The following MTHFD2L variants were observed in gnomAD, a reference collection of about 807,000 sequenced individuals.
MTHFD2L encodes methylenetetrahydrofolate dehydrogenase (NADP+ dependent) 2 like, also known as bifunctional methylenetetrahydrofolate dehydrogenase/cyclohydrolase 2, mitochondrial.
Under a neutral mutation model 34.9 loss-of-function variants are expected in MTHFD2L, and 29 were observed. That is an observed-to-expected ratio of 0.83 (90% CI 0.62 to 1.13). MTHFD2L has a LOEUF of 1.13. Among genes scored for constraint, MTHFD2L ranks in the 50% most tolerant of loss-of-function variants. MTHFD2L has a pLI of 0.00. For synonymous variants in MTHFD2L, 167 were observed against 155.7 expected (o/e 1.07, Z -0.54); for missense variants, 481 against 446.5 (o/e 1.08, Z -0.70).
intron 7 of MTHFD2L, chr4:74,293,585 C>T (rs560435520): frequency 1.1e-6 from 1 of 923,442 alleles, no homozygotes; most frequent in East Asian, 1.2e-4. Flanking sequence ...ATAGTAAATT[C>T]CCTCCGGAGC....
chr4:74,238,924 T>A (rs1241061624), intron 6 of MTHFD2L, among the ~76,000 whole-genome samples: 1 of 152,230 alleles, frequency 6.6e-6, no homozygotes, highest in Non-Finnish European at 1.5e-5. Flanking sequence ...GAAGACAGTA[T>A]GGTGGTTCCT....
chr4:74,197,783 AG>A (rs749964010), intron 3 of MTHFD2L, among the ~76,000 whole-genome samples: 50 of 152,152 alleles, frequency 3.3e-4, no homozygotes, highest in Admixed American at 1.5e-3. Flanking sequence ...ATTGATGTAA[AG>A]GTAATATAAT....
chr4:74,251,822 G>A (rs1743348994), intron 6 of MTHFD2L, among the ~76,000 whole-genome samples: 1 of 152,122 alleles, frequency 6.6e-6, no homozygotes, highest in Non-Finnish European at 1.5e-5. Flanking sequence ...TGAATTTCCA[G>A]TAGCAAACAA....
rs575222744 is a variant in MTHFD2L at position 74,188,181 on chromosome 4, C to T, written c.452-11613C>T. Among the ~76,000 whole-genome samples, 104 of 152,148 alleles carry T rather than the reference C, an allele frequency of 6.8e-4. 1 individual carries two copies. The highest frequency in any genetic ancestry group is 1.4e-3 in the Non-Finnish European group (92 of 68,002). On this transcript the variant is annotated intron_variant, in intron 3 of 7. Transcript: ENST00000325278. ...AAAACTAATGAATTGACAGCATATCCGTGGTGTATTAGTCTGCTTCATCTA... is the reference window on the plus strand; with the variant it reads ...AAAACTAATGAATTGACAGCATATCTGTGGTGTATTAGTCTGCTTCATCTA...
intron 6 of MTHFD2L, among the ~76,000 whole-genome samples, chr4:74,278,136 C>T (rs931517476): frequency 1.3e-5 from 2 of 152,062 alleles, no homozygotes; most frequent in African/African-American, 4.8e-5. Context: ...AGGAATTGAA[C>T]CAGCTAGTTT....
intron 5 of MTHFD2L, among the ~76,000 whole-genome samples, chr4:74,202,373 G>T (rs1734590143): frequency 6.6e-6 from 1 of 152,206 alleles, no homozygotes; most frequent in Non-Finnish European, 1.5e-5. Flanking sequence ...GGACTAGGCT[G>T]CCTTCAGACT....
intron 6 of MTHFD2L, among the ~76,000 whole-genome samples, chr4:74,237,263 T>G (rs1012970311): frequency 2.6e-5 from 4 of 152,154 alleles, no homozygotes; most frequent in African/African-American, 9.7e-5. Context: ...CATGTCTTAT[T>G]TATATTTGTG....
chr4:74,182,135 T>G (rs1431114803), intron 3 of MTHFD2L, among the ~76,000 whole-genome samples: 1 of 152,190 alleles, frequency 6.6e-6, no homozygotes, highest in African/African-American at 2.4e-5. Context: ...TTCCTTTCTC[T>G]ATGGGAGAAA....
chr4:74,140,836 A>G (rs1211460255), intron 1 of MTHFD2L, among the ~76,000 whole-genome samples: 1 of 152,166 alleles, frequency 6.6e-6, no homozygotes, highest in Non-Finnish European at 1.5e-5. Context: ...ACTCACTATC[A>G]TGAGAACAGG....
chr4:74,158,656 G>A (rs937791348), intron 1 of MTHFD2L, among the ~76,000 whole-genome samples: 6 of 152,306 alleles, frequency 3.9e-5, no homozygotes, highest in African/African-American at 1.4e-4. Context: ...AGGAGTAGGC[G>A]TTGTGCAGAT....
At chr4:74,281,221 T>C (rs1169692631) in intron 6 of MTHFD2L, among the ~76,000 whole-genome samples, 1 of 152,156 alleles carries the variant, frequency 6.6e-6, no homozygotes, top group African/African-American at 2.4e-5. Flanking sequence ...CTGCAGGATT[T>C]CATCCTCAGA....
chr4:74,133,869 T>C (rs1722722786), intron 1 of MTHFD2L, among the ~76,000 whole-genome samples: 1 of 151,908 alleles, frequency 6.6e-6, no homozygotes, highest in Non-Finnish European at 1.5e-5. Flanking sequence ...CAAAAAGAAA[T>C]ACACAGCAGC....
At chr4:74,225,252 A>C (rs1169816108) in intron 5 of MTHFD2L, 50 bp from the exon 6 acceptor site, 1 of 1,408,426 alleles carries the variant, frequency 7.1e-7, no homozygotes, top group South Asian at 1.2e-5. Context: ...AGCATTTATA[A>C]AATTTTTAAA....
chr4:74,169,543 T>G (rs1578325897), intron 1 of MTHFD2L, among the ~76,000 whole-genome samples: 1 of 152,254 alleles, frequency 6.6e-6, no homozygotes, highest in African/African-American at 2.4e-5. Flanking sequence ...TATTCCTTAC[T>G]GTGTTAGGTG....
upstream of MTHFD2L, among the ~76,000 whole-genome samples, chr4:74,118,934 C>T (rs572223187): frequency 5.6e-4 from 85 of 152,280 alleles, no homozygotes; most frequent in African/African-American, 2.0e-3. Context: ...CTTATAAAGT[C>T]TAATGCCTGA....
intron 3 of MTHFD2L, among the ~76,000 whole-genome samples, chr4:74,178,452 G>A (rs1191353267): frequency 6.6e-6 from 1 of 151,910 alleles, no homozygotes; most frequent in African/African-American, 2.4e-5. Context: ...CCCCTTTTGA[G>A]CAACATTCCT....
Position 74,115,571 on chromosome 4 carries a change from G to A in MTHFD2L, c.-144+914G>A, listed in dbSNP as rs115885207. On this transcript the variant is annotated intron_variant and NMD_transcript_variant, in intron 2 of 9. Transcript: ENST00000429519. The stretch of plus-strand genomic sequence containing the variant: ...TTCCCCTTGAGGGGGTGCTCTGTCA[G>A]TATGAACATGCCTTCATGGGCAGAA... Among the ~76,000 whole-genome samples the A allele has an allele frequency of 3.8e-3, 586 of 152,368 alleles. 4 individuals carry two copies. The highest frequency in any genetic ancestry group is 0.014 in the African/African-American group (564 of 41,588).
At chr4:74,199,214 A>G (rs1233535753) in intron 3 of MTHFD2L, among the ~76,000 whole-genome samples, 3 of 152,150 alleles carry the variant, frequency 2.0e-5, no homozygotes, top group South Asian at 4.2e-4. Flanking sequence ...TTTCTTCCAT[A>G]TAGCAAATCA....
chr4:74,265,715 T>C (rs568285503), intron 6 of MTHFD2L, among the ~76,000 whole-genome samples: 57 of 152,316 alleles, frequency 3.7e-4, no homozygotes, highest in African/African-American at 1.3e-3. Flanking sequence ...ATGGCTAGTA[T>C]TTTTGTCATG....
Sources: gnomAD v4.1 joint callset for allele counts (sites outside exome capture counted in the v4.1 genomes callset) on GRCh38, gnomAD v4.1.1 for gene constraint, MANE v1.5 for transcripts, NCBI Gene and HGNC (gene_info 2026-07-23, HGNC 2026-07-21) for gene names.